The following DLGAP2 variants were observed in gnomAD, a reference collection of about 807,000 sequenced individuals.
DLGAP2 encodes the protein DLG associated protein 2.
In DLGAP2, 26 loss-of-function variants were observed where a neutral mutation model predicts 100.3. The observed-to-expected ratio is 0.26, with a 90% CI of 0.19 to 0.36. The LOEUF (loss-of-function observed/expected upper bound fraction) is 0.36, where lower values mean the gene tolerates loss of function less well. Ranked by LOEUF, DLGAP2 falls within the 10% of genes least tolerant of loss-of-function variation. The pLI is 1.00. For synonymous variants in DLGAP2, 886 were observed against 630.1 expected, an observed-to-expected ratio of 1.41 and a Z score of -6.08; for missense variants, 1,858 against 1,453.2, an observed-to-expected ratio of 1.28 and a Z score of -4.53.
intron 1 of DLGAP2, among the ~76,000 whole-genome samples, chr8:866,553 A>G (rs1340389536): frequency 6.6e-6 from 1 of 152,028 alleles, no homozygotes; most frequent in African/African-American, 2.4e-5. Flanking sequence ...GATTCTGAAA[A>G]GAAGGGTCTG....
At chr8:1,167,528 A>G (rs770087327) in intron 2 of DLGAP2, among the ~76,000 whole-genome samples, 1 of 152,186 alleles carries the variant, frequency 6.6e-6, no homozygotes, top group Non-Finnish European at 1.5e-5. Context: ...GACCCAGGGG[A>G]TCTTAGTCAT....
chr8:1,635,624 A>G (rs1797748280), intron 8 of DLGAP2, among the ~76,000 whole-genome samples: 1 of 152,234 alleles, frequency 6.6e-6, no homozygotes, highest in Non-Finnish European at 1.5e-5. Context: ...AAAACATTCC[A>G]AAGTGAGTAC....
chr8:1,506,588 T>A (rs961902416), intron 4 of DLGAP2, among the ~76,000 whole-genome samples: 1 of 152,194 alleles, frequency 6.6e-6, no homozygotes, highest in Non-Finnish European at 1.5e-5. Context: ...GCATCCACAC[T>A]GCCCAAGACG....
chr8:957,448 A>G (rs1274748364), intron 2 of DLGAP2, among the ~76,000 whole-genome samples: 4 of 152,224 alleles, frequency 2.6e-5, no homozygotes, highest in Admixed American at 6.5e-5. Flanking sequence ...CCGTGACTCC[A>G]TTATGCTCAG....
At chr8:1,195,535 C>G (rs191443911) in intron 2 of DLGAP2, among the ~76,000 whole-genome samples, 1 of 152,188 alleles carries the variant, frequency 6.6e-6, no homozygotes, top group African/African-American at 2.4e-5. Context: ...GCTGCCTATC[C>G]AATTACTTGG....
intron 2 of DLGAP2, among the ~76,000 whole-genome samples, chr8:912,900 T>G (rs4735955): frequency 1.3e-5 from 2 of 150,244 alleles, no homozygotes; most frequent in Non-Finnish European, 3.0e-5. Flanking sequence ...ATCCCCGCAC[T>G]GTGGTGCCCG....
chr8:1,292,557 T>C (rs1800083110), intron 3 of DLGAP2, among the ~76,000 whole-genome samples: 2 of 152,260 alleles, frequency 1.3e-5, no homozygotes, highest in African/African-American at 4.8e-5. Flanking sequence ...AACTTCTGTA[T>C]ATATGTGGTA....
At chr8:1,610,288 A>G (rs1224922176) in intron 6 of DLGAP2, among the ~76,000 whole-genome samples, 1 of 152,210 alleles carries the variant, frequency 6.6e-6, no homozygotes, top group Non-Finnish European at 1.5e-5. Flanking sequence ...CTGAATGACT[A>G]CTGGGTACAT....
intron 1 of DLGAP2, among the ~76,000 whole-genome samples, chr8:745,967 C>T (rs1820608747): frequency 6.6e-6 from 1 of 152,216 alleles, no homozygotes; most frequent in South Asian, 2.1e-4. Flanking sequence ...CTATGGGGGT[C>T]CGCACCACCC....
chr8:1,567,402 C>T (rs1802446613), intron 6 of DLGAP2, among the ~76,000 whole-genome samples: 1 of 152,208 alleles, frequency 6.6e-6, no homozygotes, highest in African/African-American at 2.4e-5. Context: ...GGTAAACAGC[C>T]ATTGGTTAAC....
intron 1 of DLGAP2, among the ~76,000 whole-genome samples, chr8:806,350 C>T (rs779342603): frequency 6.6e-6 from 1 of 152,162 alleles, no homozygotes; most frequent in South Asian, 2.1e-4. Context: ...ATTCACTGCC[C>T]GTCACTCTGC....
chr8:1,508,735 T>G (rs1437982670), intron 4 of DLGAP2, among the ~76,000 whole-genome samples: 4 of 150,868 alleles, frequency 2.7e-5, no homozygotes, highest in African/African-American at 9.7e-5. Context: ...ATGAACCCAG[T>G]GCCCGCAGGA....
intron 1 of DLGAP2, among the ~76,000 whole-genome samples, chr8:808,358 G>C (rs1796307737): frequency 6.6e-6 from 1 of 152,200 alleles, no homozygotes; most frequent in Non-Finnish European, 1.5e-5. Flanking sequence ...GAAGTTCGTG[G>C]TGTGGGGCCC....
chr8:853,721 G>A (rs1259505547), intron 1 of DLGAP2, among the ~76,000 whole-genome samples: 1 of 152,250 alleles, frequency 6.6e-6, no homozygotes, highest in African/African-American at 2.4e-5. Flanking sequence ...ACTGGAGGAT[G>A]TGTTTGTCAT....
chr8:1,023,585 C>T (rs752830080), intron 2 of DLGAP2, among the ~76,000 whole-genome samples: 15 of 150,998 alleles, frequency 9.9e-5, no homozygotes, highest in Admixed American at 3.3e-4. Flanking sequence ...TGTGTTTCAG[C>T]GCAACAGTGT....
At chr8:1,512,931 G>T (rs1404576744) in intron 4 of DLGAP2, among the ~76,000 whole-genome samples, 6 of 152,218 alleles carry the variant, frequency 3.9e-5, no homozygotes, top group Admixed American at 6.5e-5. Context: ...GCACGTTGGT[G>T]TCCCAGGCCA....
chr8:754,168 G>C (rs1045387814), intron 1 of DLGAP2: 1 of 152,276 alleles, frequency 6.6e-6, no homozygotes, highest in African/African-American at 2.4e-5. Context: ...TGCAGCAGGC[G>C]TCCCAGCCAC....
At chr8:1,537,087 ATGTGGTG>A (rs1165662904) in intron 4 of DLGAP2, among the ~76,000 whole-genome samples, 7 of 62,726 alleles carry the variant, frequency 1.1e-4, no homozygotes, top group African/African-American at 2.2e-4. Flanking sequence ...GGTATGTGGT[ATGTGGTG>A]TGTGGTGTGT....
intron 4 of DLGAP2, among the ~76,000 whole-genome samples, chr8:1,520,011 G>A (rs1165729788): frequency 6.6e-6 from 1 of 152,200 alleles, no homozygotes; most frequent in Non-Finnish European, 1.5e-5. Flanking sequence ...GGAGCAGGAG[G>A]TGTGGGCCAT....
Sources: gnomAD v4.1 joint callset for allele counts (sites outside exome capture counted in the v4.1 genomes callset) on GRCh38, gnomAD v4.1.1 for gene constraint, MANE v1.5 for transcripts, NCBI Gene and HGNC (gene_info 2026-07-23, HGNC 2026-07-21) for gene names.